Variants in ME2 observed in about 807,000 individuals in gnomAD.
ME2 encodes NAD-dependent malic enzyme, mitochondrial.
In ME2, 60 loss-of-function variants were observed where a neutral mutation model predicts 73.7. The observed-to-expected ratio is 0.81, with a 90% CI of 0.66 to 1.01. The LOEUF (loss-of-function observed/expected upper bound fraction) is 1.01, where lower values mean the gene tolerates loss of function less well. Ranked by LOEUF, ME2 falls within the 50% of genes least tolerant of loss-of-function variation. ME2 has a pLI of 0.00. For synonymous variants in ME2, 199 were observed against 236.9 expected, an observed-to-expected ratio of 0.84 and a Z score of 1.47; for missense variants, 594 against 705.5, an observed-to-expected ratio of 0.84 and a Z score of 1.79.
chr18:50,934,722 T>C (rs532177494), intron 13 of ME2: 56 of 152,282 alleles, frequency 3.7e-4, no homozygotes, highest in African/African-American at 1.3e-3. Context: ...GAAAGTCTGT[T>C]TATAAAGCAA....
intron 5 of ME2, 178 bp from the exon 6 acceptor site, chr18:50,917,169 C>T (rs1195297989): frequency 5.8e-6 from 3 of 519,714 alleles, no homozygotes; most frequent in Non-Finnish European, 1.0e-5. Context: ...TCATAATACT[C>T]AGAAGTCCTA....
rs575777219 is a variant in ME2, at chr18:50,952,647, A to G, written c.*5463A>G. ...CAGCACACTTTTTAATGTTAAGACTAGGGGAAACTTGTGGGTATATATTCA... is the reference window on the plus strand; with the variant it reads ...CAGCACACTTTTTAATGTTAAGACTGGGGGAAACTTGTGGGTATATATTCA... On this transcript the variant is annotated 3_prime_UTR_variant, in exon 16 of 16. Coordinates refer to ENST00000321341, the MANE Select transcript of ME2 (RefSeq NM_002396.5). 1 of 152,300 alleles carries G rather than the reference A, an allele frequency of 6.6e-6. No individual in the cohort carries two copies. The highest frequency in any genetic ancestry group is 6.5e-5 in the Admixed American group (1 of 15,292). The allele number at this position is 152,300 out of a possible 1,614,324, so 9.4% of individuals were successfully genotyped here.
intron 2 of ME2, among the ~76,000 whole-genome samples, chr18:50,900,399 A>G (rs967200118): frequency 6.6e-6 from 1 of 151,664 alleles, no homozygotes; most frequent in African/African-American, 2.4e-5. Flanking sequence ...GGTTCATGCC[A>G]TGCTCCTGCC....
In ME2 at chr18:50,951,397, A is replaced by G. The variant is rs1344933585; in HGVS notation, c.*4213A>G. 6.6e-6 allele frequency: 1 copy of G among 152,046 alleles called. No individual in the cohort carries two copies. The highest frequency in any genetic ancestry group is 2.4e-5 in the African/African-American group (1 of 41,384). The allele number at this position is 152,046 out of a possible 1,614,324, so 9.4% of individuals were successfully genotyped here. ...CCTTGCCTTGGGAAAAATACTTCAA[A>G]TGCTCCCATAGTTTTTTTTCCTCAA... On this transcript the variant is annotated 3_prime_UTR_variant, in exon 16 of 16. Transcript: ENST00000321341.
chr18:50,933,309 G>A (rs966214952), intron 13 of ME2: 4 of 152,070 alleles, frequency 2.6e-5, no homozygotes, highest in Non-Finnish European at 4.4e-5. Flanking sequence ...TTTTCTTCTG[G>A]TAGGTCTTTC....
intron 14 of ME2, 48 bp from the exon 15 acceptor site, chr18:50,940,240 A>T (rs1399291460): frequency 2.4e-6 from 3 of 1,268,338 alleles, no homozygotes; most frequent in South Asian, 2.5e-5. Flanking sequence ...CTGGGTCCTT[A>T]TTCTGTTATT....
At chr18:50,894,449 T>A (rs1916684691) in intron 1 of ME2, among the ~76,000 whole-genome samples, 1 of 151,652 alleles carries the variant, frequency 6.6e-6, no homozygotes, top group African/African-American at 2.4e-5. Flanking sequence ...GTTCCTGTAA[T>A]CCCAGCTACT....
intron 2 of ME2, among the ~76,000 whole-genome samples, chr18:50,900,211 A>G (rs1169083228): frequency 1.3e-5 from 2 of 151,656 alleles, no homozygotes; most frequent in Non-Finnish European, 2.9e-5. Flanking sequence ...AAATTGAGTG[A>G]TGCAGTTTTT....
intron 11 of ME2, 53 bp from the exon 12 acceptor site, chr18:50,925,703 A>T (rs1197969749): frequency 4.0e-6 from 6 of 1,492,270 alleles, no homozygotes; most frequent in Admixed American, 1.7e-5. Context: ...ATTGATAAGC[A>T]TTGCTTTTAT....
chr18:50,915,949 T>C (rs1917274315), intron 4 of ME2: 1 of 404,510 alleles, frequency 2.5e-6, no homozygotes, highest in East Asian at 4.1e-5. Flanking sequence ...AATGACTGTA[T>C]CATTTAACAA....
intron 2 of ME2, among the ~76,000 whole-genome samples, chr18:50,903,315 A>G (rs1319507064): frequency 6.6e-6 from 1 of 152,228 alleles, no homozygotes; most frequent in East Asian, 1.9e-4. Flanking sequence ...TCTATACATA[A>G]AATTATTTAA....
At chr18:50,901,002 T>C (rs763047616) in intron 2 of ME2, among the ~76,000 whole-genome samples, 20 of 152,232 alleles carry the variant, frequency 1.3e-4, no homozygotes, top group Non-Finnish European at 2.1e-4. Flanking sequence ...TTCAAATTTA[T>C]GTATTAACAC....
intron 3 of ME2, among the ~76,000 whole-genome samples, chr18:50,911,178 G>C (rs1037073984): frequency 6.6e-6 from 1 of 152,142 alleles, no homozygotes; most frequent in African/African-American, 2.4e-5. Context: ...TAGGTCATCT[G>C]TTCTTTCCTT....
Position 50,908,143 on chromosome 18 carries a change from T to C in ME2, c.189T>C (p.Ile63=), listed in dbSNP as rs1461683459. The C allele has an allele frequency of 6.2e-7, 1 of 1,607,348 alleles. No individual in the cohort carries two copies. Among genetic ancestry groups the C allele is most frequent in the Non-Finnish European group, 8.5e-7 (1 of 1,177,064 alleles). ...LLPPKIETQD[I]QALRFHRNLK... ...CTCCCAAAATAGAGACACAAGATATTCAAGCCTTACGATTTCATAGAAACT... is the reference window on the plus strand; with the variant it reads ...CTCCCAAAATAGAGACACAAGATATCCAAGCCTTACGATTTCATAGAAACT... Residue 63 remains isoleucine (I), a synonymous_variant, in exon 3 of 16, where the codon ATT becomes ATC. Transcript: ENST00000321341.
chr18:50,942,660 A>G, intron 15 of ME2: 1 of 290,186 alleles, frequency 3.4e-6, no homozygotes, highest in Non-Finnish European at 6.3e-6. Context: ...ATATTTTTAA[A>G]TTTCTGTTTT....
At chr18:50,897,798 G>A (rs1916783526) in intron 2 of ME2, among the ~76,000 whole-genome samples, 1 of 152,132 alleles carries the variant, frequency 6.6e-6, no homozygotes, top group East Asian at 1.9e-4. Flanking sequence ...AGTGGAGAGT[G>A]CGGTGAGCCG....
chr18:50,930,422 T>C (rs995276467), intron 12 of ME2, among the ~76,000 whole-genome samples: 29 of 152,232 alleles, frequency 1.9e-4, no homozygotes, highest in African/African-American at 6.3e-4. Context: ...CAACACCGTT[T>C]GCTGCTCAGC....
chr18:50,896,767 A>C (rs1044990113), intron 2 of ME2, among the ~76,000 whole-genome samples: 1 of 152,154 alleles, frequency 6.6e-6, no homozygotes, highest in African/African-American at 2.4e-5. Context: ...AAAATAGTTA[A>C]TTGTTAATTG....
intron 12 of ME2, among the ~76,000 whole-genome samples, chr18:50,928,520 G>A (rs1013016531): frequency 1.9e-4 from 29 of 152,220 alleles, no homozygotes; most frequent in Admixed American, 1.8e-3. Context: ...TTACAGGCAT[G>A]AGCCACTGCG....
Sources: gnomAD v4.1 joint callset for allele counts (sites outside exome capture counted in the v4.1 genomes callset) on GRCh38, gnomAD v4.1.1 for gene constraint, MANE v1.5 for transcripts, NCBI Gene and HGNC (gene_info 2026-07-23, HGNC 2026-07-21) for gene names.